FMO5: variants seen among roughly 807,000 people sequenced by gnomAD.
FMO5 encodes the protein flavin containing dimethylaniline monoxygenase 5.
Under a neutral mutation model 43.6 loss-of-function variants are expected in FMO5, and 51 were observed. The ratio of observed to expected loss-of-function variants is 1.17; its 90% CI spans 0.93 to 1.48. The LOEUF is 1.48. FMO5 is among the 40% of genes most tolerant of loss of function. FMO5 has a pLI of 0.00. For synonymous variants in FMO5, 187 were observed against 216.5 expected, an observed-to-expected ratio of 0.86 and a Z score of 1.20; for missense variants, 644 against 643.0, an observed-to-expected ratio of 1.00 and a Z score of -0.02.
chr1:147,209,145 C>G lies in FMO5; in HGVS notation c.631-94G>C, dbSNP rs1248128556. ...TCTTCAAGAATCATTTCAGGCCCGG[C>G]GCGGTGGCTCACGCCTGTAATCCCA... On this transcript the variant is annotated intron_variant, in intron 5 of 8. Coordinates refer to ENST00000254090, the MANE Select transcript of FMO5 (RefSeq NM_001461.4). 4 of 1,073,250 alleles carry G rather than the reference C, an allele frequency of 3.7e-6. No homozygotes were observed. The East Asian group carries it at 1.1e-4, about 29-fold the overall frequency. 66.5% of individuals were successfully genotyped at this position (1,073,250 alleles called of 1,614,324 possible).
chr1:147,224,751 C>T (rs762346775), intron 2 of FMO5, 144 bp downstream of exon 2: 67 of 701,162 alleles, frequency 9.6e-5, no homozygotes, highest in Non-Finnish European at 1.4e-4. Flanking sequence ...ACCTCGTGAT[C>T]CGCCCGCCTC....
At chr1:147,214,460 A>AG (rs1375573135) in intron 3 of FMO5, among the ~76,000 whole-genome samples, 1 of 84 alleles carries the variant, frequency 0.012, no homozygotes, top group Non-Finnish European at 0.031. Context: ...GAAAAAAAAC[A>AG]AAAAACAAAA....
At chr1:147,195,992 C>T (rs782477766) in intron 7 of FMO5, among the ~76,000 whole-genome samples, 6 of 152,132 alleles carry the variant, frequency 3.9e-5, no homozygotes, top group Non-Finnish European at 8.8e-5. Flanking sequence ...ACCACTGGAC[C>T]AAGCTCTGCT....
At chr1:147,215,713 C>A (rs200375614) in intron 3 of FMO5, 41 bp downstream of exon 3, 67 of 1,431,874 alleles carry the variant, frequency 4.7e-5, no homozygotes, top group Non-Finnish European at 6.2e-5. Flanking sequence ...ATTTACTTGG[C>A]AAACAACTTC....
intron 6 of FMO5, chr1:147,203,315 G>C: frequency 6.3e-7 from 1 of 1,595,576 alleles, no homozygotes; most frequent in South Asian, 1.1e-5. Context: ...TTCCCACTTG[G>C]AGGCTTGGGC....
intron 7 of FMO5, among the ~76,000 whole-genome samples, chr1:147,199,967 A>C (rs1272498717): frequency 6.6e-6 from 1 of 152,192 alleles, no homozygotes; most frequent in Non-Finnish European, 1.5e-5. Flanking sequence ...CCATAGAATC[A>C]GTGAATTTCT....
chr1:147,216,798 C>T (rs1409967737), intron 2 of FMO5, among the ~76,000 whole-genome samples: 1 of 152,184 alleles, frequency 6.6e-6, no homozygotes, highest in East Asian at 1.9e-4. Flanking sequence ...CCACCTCAGA[C>T]CTACTGAATC....
At chr1:147,199,227 A>C (rs1553920389) in intron 7 of FMO5, among the ~76,000 whole-genome samples, 1 of 145,316 alleles carries the variant, frequency 6.9e-6, no homozygotes, top group African/African-American at 2.4e-5. Flanking sequence ...TGTTGGGCAG[A>C]CATGAAAAAA....
chr1:147,187,029 T>C lies in FMO5; in HGVS notation c.1473A>G (p.Thr491=), dbSNP rs1277271924. ...WDGARKAILT[T]DDRIRKPLMT... ...TCAGAGGCTTCCTGATGCGATCATC[T>C]GTGGTGAGGATAGCTTTTCGAGCCC... Residue 491 remains threonine, a synonymous_variant, in exon 9 of 9, where the codon ACA becomes ACG. Coordinates refer to ENST00000254090, the MANE Select transcript of FMO5 (RefSeq NM_001461.4). 2.5e-6 allele frequency: 4 copies of C among 1,614,060 alleles called. No individual in the cohort carries two copies. Among genetic ancestry groups the C allele is most frequent in the Non-Finnish European group, 3.4e-6 (4 of 1,180,040 alleles).
chr1:147,196,443 G>A (rs1658016647), intron 7 of FMO5, among the ~76,000 whole-genome samples: 1 of 151,854 alleles, frequency 6.6e-6, no homozygotes, highest in African/African-American at 2.4e-5. Context: ...ACATGAAGGA[G>A]GAGGTATATT....
In FMO5 at chr1:147,208,138, A is replaced by G. The variant is rs187623225; in HGVS notation, c.830+714T>C. Reference sequence around the variant, plus strand: ...TGTGCTTATCTTATAGAAAGTCCTCAGAAAGGTGAGTGTTATTTCTATTAC... The same window carrying G: ...TGTGCTTATCTTATAGAAAGTCCTCGGAAAGGTGAGTGTTATTTCTATTAC... On this transcript the variant is annotated intron_variant, in intron 6 of 8. Transcript: ENST00000254090. Among the ~76,000 whole-genome samples, 207 of 151,766 alleles carry G rather than the reference A, an allele frequency of 1.4e-3. 1 individual carries two copies. Among genetic ancestry groups the G allele is most frequent in the African/African-American group, 4.7e-3 (194 of 41,252 alleles).
intron 2 of FMO5, among the ~76,000 whole-genome samples, chr1:147,222,829 A>T (rs6670503): frequency 1.3e-5 from 2 of 152,012 alleles, no homozygotes; most frequent in African/African-American, 4.8e-5. Context: ...CTTGATAATC[A>T]GACAAGATGA....
At chr1:147,185,756 C>A (rs1655561581), downstream of FMO5, among the ~76,000 whole-genome samples, 1 of 152,132 alleles carries the variant, frequency 6.6e-6, no homozygotes, top group Non-Finnish European at 1.5e-5. Context: ...GTTCAGTGTG[C>A]CTGACAGCTG....
At chr1:147,187,957 GA>G (rs1655922454) in intron 8 of FMO5, among the ~76,000 whole-genome samples, 2 of 152,136 alleles carry the variant, frequency 1.3e-5, no homozygotes, top group South Asian at 4.1e-4. Flanking sequence ...GAGAGGAAGA[GA>G]AAAGCCAAGT....
intron 7 of FMO5, 49 bp from the exon 8 acceptor site, chr1:147,190,298 C>A: frequency 8.8e-7 from 1 of 1,132,190 alleles, no homozygotes; most frequent in Non-Finnish European, 1.3e-6. Context: ...TCAGAAGGAA[C>A]AATAATCCTA....
chr1:147,218,383 G>A (rs1301582569), intron 2 of FMO5, among the ~76,000 whole-genome samples: 2 of 151,320 alleles, frequency 1.3e-5, no homozygotes, highest in East Asian at 3.9e-4. Flanking sequence ...CTACAGGCAC[G>A]CGCCACTATG....
rs782015138 is a variant in FMO5, at chr1:147,186,949, T to C, written c.1553A>G (p.Lys518Arg). The change falls in exon 9 of 9, where the codon AAG becomes AGG. Residue 518 changes from lysine (K) to arginine (R), a missense_variant. Coordinates refer to ENST00000254090, the MANE Select transcript of FMO5 (RefSeq NM_001461.4). ...SSMTSTMTIG[K>R]FMLALAFFAI... ...AAAGAAGGCAAGAGCTAGCATAAAC[T>C]TGCCTATTGTCATTGTTGAAGTCAT... 67 of 1,614,178 alleles carry C rather than the reference T, an allele frequency of 4.2e-5. No homozygotes were observed. In the Admixed American group the frequency reaches 1.0e-3, roughly 25 times the overall value.
At chr1:147,204,951 C>T (rs879973036) in intron 6 of FMO5, 147 of 1,469,762 alleles carry the variant, frequency 1.0e-4, no homozygotes, top group Middle Eastern at 1.8e-4. Context: ...TGCAGGAAGC[C>T]GTTCACGTGA....
intron 4 of FMO5, 47 bp downstream of exon 4, chr1:147,213,261 G>C: frequency 6.6e-7 from 1 of 1,503,808 alleles, no homozygotes; most frequent in Non-Finnish European, 9.0e-7. Context: ...TCAGGGGTCA[G>C]GTCACAGGCA....
Sources: gnomAD v4.1 joint callset for allele counts (sites outside exome capture counted in the v4.1 genomes callset) on GRCh38, gnomAD v4.1.1 for gene constraint, MANE v1.5 for transcripts, NCBI Gene and HGNC (gene_info 2026-07-23, HGNC 2026-07-21) for gene names.